SUGCT: variants seen among roughly 807,000 people sequenced by gnomAD.
SUGCT encodes succinyl-CoA:glutarate-CoA transferase, also known as succinyl-CoA:glutarate CoA-transferase.
In SUGCT, 41 loss-of-function variants were observed where a neutral mutation model predicts 55.0. The ratio of observed to expected loss-of-function variants is 0.74; its 90% confidence interval spans 0.58 to 0.97. The LOEUF (loss-of-function observed/expected upper bound fraction) is 0.97. Among genes scored for constraint, SUGCT ranks in the 50% least tolerant of loss-of-function variants. SUGCT has a pLI of 0.00. For synonymous variants in SUGCT, 187 were observed against 200.4 expected, an observed-to-expected ratio of 0.93 and a Z score of 0.56; for missense variants, 568 against 547.8, an observed-to-expected ratio of 1.04 and a Z score of -0.37.
At chr7:40,480,479 C>T (rs1010271444) in intron 11 of SUGCT, among the ~76,000 whole-genome samples, 3 of 152,082 alleles carry the variant, frequency 2.0e-5, no homozygotes, top group Non-Finnish European at 4.4e-5. Context: ...TTTTCCTGCT[C>T]AAGATTGCTT....
the SUGCT span, among the ~76,000 whole-genome samples, chr7:40,992,015 C>T: frequency 6.6e-6 from 1 of 151,958 alleles, no homozygotes; most frequent in South Asian, 2.1e-4. Context: ...AGGATCAGTC[C>T]ACAGAGTAAA....
intron 12 of SUGCT, among the ~76,000 whole-genome samples, chr7:40,578,997 C>T (rs1256275355): frequency 6.6e-6 from 1 of 152,152 alleles, no homozygotes; most frequent in Admixed American, 6.6e-5. Flanking sequence ...TAATTCATGC[C>T]TGCAATGTAT....
intron 3 of SUGCT, among the ~76,000 whole-genome samples, chr7:40,184,481 G>C (rs986897767): frequency 4.0e-5 from 6 of 151,572 alleles, no homozygotes; most frequent in Non-Finnish European, 7.4e-5. Context: ...GTGAGCCACT[G>C]CACCCGGCCT....
At chr7:40,753,698 C>T (rs748771974) in intron 13 of SUGCT, among the ~76,000 whole-genome samples, 35 of 152,118 alleles carry the variant, frequency 2.3e-4, no homozygotes, top group Non-Finnish European at 3.8e-4. Flanking sequence ...ATTTATAGAG[C>T]CTTCTTTAGA....
At chr7:40,425,004 A>G (rs1394924462) in intron 9 of SUGCT, among the ~76,000 whole-genome samples, 1 of 152,190 alleles carries the variant, frequency 6.6e-6, no homozygotes, top group Admixed American at 6.5e-5. Flanking sequence ...TCTTTATAAA[A>G]TAGCATTACT....
intron 9 of SUGCT, among the ~76,000 whole-genome samples, chr7:40,428,894 A>G (rs910172333): frequency 5.9e-5 from 9 of 152,318 alleles, no homozygotes; most frequent in African/African-American, 2.2e-4. Context: ...ACTCCATTTA[A>G]GGCAGATATT....
At chr7:40,969,571 G>A in the SUGCT span, among the ~76,000 whole-genome samples, 1 of 152,012 alleles carries the variant, frequency 6.6e-6, no homozygotes, top group South Asian at 2.1e-4. Flanking sequence ...TGTCCAGGCT[G>A]GTCTTGAACT....
intron 13 of SUGCT, among the ~76,000 whole-genome samples, chr7:40,836,066 A>AT (rs11425879): frequency 0.26 from 37,128 of 144,972 alleles, 5,473 homozygotes; most frequent in East Asian, 0.8. Flanking sequence ...TAATTTTTTA[A>AT]TTTTTTTTTT....
chr7:40,337,173 G>C (rs1359718926), intron 9 of SUGCT, among the ~76,000 whole-genome samples: 7 of 152,174 alleles, frequency 4.6e-5, no homozygotes, highest in African/African-American at 1.7e-4. Context: ...TTCTGACTAT[G>C]TGGTCAATTT....
chr7:40,979,743 C>T, the SUGCT span: 1 of 152,192 alleles, frequency 6.6e-6, no homozygotes, highest in Admixed American at 6.5e-5. Flanking sequence ...GAAATCAAGT[C>T]ACTTTTTTTC....
intron 6 of SUGCT, among the ~76,000 whole-genome samples, chr7:40,211,592 C>T (rs1444751571): frequency 6.6e-6 from 1 of 152,134 alleles, no homozygotes; most frequent in African/African-American, 2.4e-5. Flanking sequence ...TTATTACCAC[C>T]TTGAGACCTG....
At chr7:40,168,180 G>A (rs1784507859) in intron 1 of SUGCT, among the ~76,000 whole-genome samples, 1 of 152,158 alleles carries the variant, frequency 6.6e-6, no homozygotes, top group African/African-American at 2.4e-5. Context: ...CTAGTCTTAG[G>A]AATTCTTAGT....
chr7:40,782,546 G>A (rs556683780), intron 13 of SUGCT: 1 of 152,282 alleles, frequency 6.6e-6, no homozygotes, highest in South Asian at 2.1e-4. Flanking sequence ...TAGCAGAAGT[G>A]TTCTTCTAGC....
intron 12 of SUGCT, among the ~76,000 whole-genome samples, chr7:40,575,847 A>C (rs1796713975): frequency 6.6e-6 from 1 of 151,018 alleles, no homozygotes; most frequent in Admixed American, 6.6e-5. Context: ...CAACAGGCTG[A>C]GGCAGGAGAA....
chr7:40,968,656 C>T, the SUGCT span, among the ~76,000 whole-genome samples: 106 of 152,306 alleles, frequency 7.0e-4, no homozygotes, highest in Non-Finnish European at 1.2e-3. Flanking sequence ...TGCTGCTGAT[C>T]TCAAGACCAA....
intron 5 of SUGCT, among the ~76,000 whole-genome samples, chr7:40,191,126 C>G (rs773828124): frequency 6.6e-6 from 1 of 152,168 alleles, no homozygotes; most frequent in African/African-American, 2.4e-5. Flanking sequence ...AAGCAATTCT[C>G]CTGTCTCAGC....
intron 8 of SUGCT, among the ~76,000 whole-genome samples, chr7:40,305,732 G>A (rs1208133347): frequency 6.6e-6 from 1 of 152,012 alleles, no homozygotes; most frequent in African/African-American, 2.4e-5. Flanking sequence ...CATGATCATA[G>A]TTCTCTGCAG....
chr7:40,153,322 G>T, intron 1 of SUGCT: 2 of 368,960 alleles, frequency 5.4e-6, no homozygotes, highest in South Asian at 2.5e-5. Flanking sequence ...CAGAGTAGGA[G>T]AGAAATACTG....
At position 40,557,548 on chromosome 7, in the gene SUGCT, G is replaced by A. The variant is rs192672884; in HGVS notation, c.1089+61162G>A. On this transcript the variant is annotated intron_variant, in intron 12 of 13. Coordinates refer to ENST00000335693, the MANE Select transcript of SUGCT (RefSeq NM_001193313.2). Reference sequence around the variant, plus strand: ...AGCACTTTGGTATGCCGAGGTGGGCGGATCACCTGAAGTCAGGAGTTCGAG... The same window carrying A: ...AGCACTTTGGTATGCCGAGGTGGGCAGATCACCTGAAGTCAGGAGTTCGAG... Among the ~76,000 whole-genome samples, 7 of 152,174 alleles carry A rather than the reference G, an allele frequency of 4.6e-5. No individual in the cohort carries two copies. In the East Asian group the frequency reaches 7.7e-4, roughly 17 times the overall value.
Sources: gnomAD v4.1 joint callset for allele counts (sites outside exome capture counted in the v4.1 genomes callset) on GRCh38, gnomAD v4.1.1 for gene constraint, MANE v1.5 for transcripts, NCBI Gene and HGNC (gene_info 2026-07-23, HGNC 2026-07-21) for gene names.